The following ATXN7L1 variants were observed in gnomAD, a reference collection of about 807,000 sequenced individuals.
ATXN7L1 encodes ataxin-7-like protein 1.
ATXN7L1 carries 15 observed loss-of-function variants against 70.8 expected under a neutral mutation model. The observed-to-expected ratio is 0.21, with a 90% CI of 0.14 to 0.33. The LOEUF (loss-of-function observed/expected upper bound fraction) is 0.33, where lower values mean the gene tolerates loss of function less well. Among genes scored for constraint, ATXN7L1 ranks in the 10% least tolerant of loss-of-function variants. The pLI, the probability that ATXN7L1 is intolerant of heterozygous loss-of-function variation, is 1.00. For synonymous variants in ATXN7L1, 440 were observed against 445.1 expected (o/e 0.99, Z 0.14); for missense variants, 975 against 1,097.1 (o/e 0.89, Z 1.57).
intron 3 of ATXN7L1, among the ~76,000 whole-genome samples, chr7:105,768,109 G>C (rs181477935): frequency 3.9e-5 from 6 of 152,250 alleles, no homozygotes; most frequent in Non-Finnish European, 7.4e-5. Context: ...TTGTCTCTGG[G>C]AACACTCTTC....
chr7:105,774,608 C>A (rs1244041844), intron 3 of ATXN7L1, among the ~76,000 whole-genome samples: 1 of 152,100 alleles, frequency 6.6e-6, no homozygotes, highest in Admixed American at 6.5e-5. Flanking sequence ...CTGCCTCAGC[C>A]TCCCAAAATG....
intron 4 of ATXN7L1, among the ~76,000 whole-genome samples, chr7:105,650,491 G>A (rs527271615): frequency 1.5e-4 from 23 of 152,358 alleles, no homozygotes; most frequent in African/African-American, 5.5e-4. Flanking sequence ...CCTTTGCACA[G>A]TTTTGGATTC....
At chr7:105,848,500 T>C (rs1410586925) in intron 2 of ATXN7L1, among the ~76,000 whole-genome samples, 5 of 151,056 alleles carry the variant, frequency 3.3e-5, no homozygotes, top group African/African-American at 9.7e-5. Context: ...ATATATCCAA[T>C]GACAGGGAAT....
chr7:105,801,909 T>C (rs1051372081), intron 2 of ATXN7L1, among the ~76,000 whole-genome samples: 3 of 152,126 alleles, frequency 2.0e-5, no homozygotes, highest in Admixed American at 6.5e-5. Context: ...ACACCACTGG[T>C]TCTCATTCAT....
rs1328965746 is a variant in ATXN7L1, at chr7:105,760,433, T to C, written c.355+28171A>G. ...GCCAGCAGGTGGCAGGGTCTAGACA[T>C]GAATTCAGGTTTTCATCCCATTAAG... On this transcript the variant is annotated intron_variant, in intron 3 of 11. Coordinates refer to ENST00000419735, the MANE Select transcript of ATXN7L1 (RefSeq NM_020725.2). 6.1e-6 allele frequency: 6 copies of C among 985,306 alleles called. No homozygotes were observed. The South Asian group carries it at 2.4e-4, about 39-fold the overall frequency. The allele number at this position is 985,306 out of a possible 1,614,324, so 61.0% of individuals were successfully genotyped here.
chr7:105,790,437 C>T (rs1464805783), intron 2 of ATXN7L1, among the ~76,000 whole-genome samples: 1 of 151,808 alleles, frequency 6.6e-6, no homozygotes, highest in African/African-American at 2.4e-5. Context: ...AAAAATCAGC[C>T]GGGTGAGGTG....
intron 3 of ATXN7L1, among the ~76,000 whole-genome samples, chr7:105,699,262 A>G (rs2116229523): frequency 6.6e-6 from 1 of 151,978 alleles, no homozygotes; most frequent in African/African-American, 2.4e-5. Context: ...CCTCCCAACT[A>G]GCTGGGATTA....
chr7:105,805,188 G>A (rs1385586722), intron 2 of ATXN7L1, among the ~76,000 whole-genome samples: 1 of 152,202 alleles, frequency 6.6e-6, no homozygotes, highest in African/African-American at 2.4e-5. Flanking sequence ...TGATTAAACA[G>A]GCAGAAAGGG....
At position 105,659,884 on chromosome 7, in the gene ATXN7L1, C is replaced by CT. The variant is rs1051574520; in HGVS notation, c.578+5181dup. On this transcript the variant is annotated intron_variant, in intron 4 of 11. Coordinates refer to ENST00000419735, the MANE Select transcript of ATXN7L1 (RefSeq NM_020725.2). ...GCCCACTCACATTTCTTTTCTCTTTCTTTTTTTTTTTGAGACGTGTAGATA... is the reference window on the plus strand; with the variant it reads ...GCCCACTCACATTTCTTTTCTCTTTCTTTTTTTTTTTTGAGACGTGTAGATA... Among the ~76,000 whole-genome samples, 1,022 of 147,370 alleles carry CT rather than the reference C, an allele frequency of 6.9e-3. 10 individuals are homozygous for CT. The highest frequency in any genetic ancestry group is 0.022 in the African/African-American group (882 of 40,488).
At chr7:105,652,077 C>T (rs71562666) in intron 4 of ATXN7L1, among the ~76,000 whole-genome samples, 1 of 152,182 alleles carries the variant, frequency 6.6e-6, no homozygotes, top group East Asian at 1.9e-4. Flanking sequence ...CTGGGGAGTC[C>T]TAGTGCCCTA....
chr7:105,648,215 G>A (rs1329527475), intron 4 of ATXN7L1, among the ~76,000 whole-genome samples: 1 of 151,944 alleles, frequency 6.6e-6, no homozygotes, highest in East Asian at 2.0e-4. Context: ...ATTAGCTAAT[G>A]GAGAAGGGCT....
chr7:105,608,673 A>C (rs6949597), intron 11 of ATXN7L1, among the ~76,000 whole-genome samples: 98,219 of 151,900 alleles, frequency 0.65, 31,887 homozygotes, highest in Middle Eastern at 0.75. Flanking sequence ...GCACACATGA[A>C]GGGCTGCAAG....
At chr7:105,771,095 G>C (rs1801928032) in intron 3 of ATXN7L1, among the ~76,000 whole-genome samples, 1 of 151,920 alleles carries the variant, frequency 6.6e-6, no homozygotes, top group South Asian at 2.1e-4. Context: ...AGCTATTCAA[G>C]AGGCTGAGGC....
intron 3 of ATXN7L1, among the ~76,000 whole-genome samples, chr7:105,670,521 T>C (rs2116098413): frequency 6.6e-6 from 1 of 152,374 alleles, no homozygotes; most frequent in African/African-American, 2.4e-5. Context: ...TATTTTGGAC[T>C]ATTCTTTGTC....
At chr7:105,754,370 T>C (rs1362927864) in intron 3 of ATXN7L1, among the ~76,000 whole-genome samples, 1 of 152,100 alleles carries the variant, frequency 6.6e-6, no homozygotes, top group Non-Finnish European at 1.5e-5. Flanking sequence ...GTCCCTTGTT[T>C]ATTTGTTCTT....
At chr7:105,651,223 C>G (rs1255766632) in intron 4 of ATXN7L1, among the ~76,000 whole-genome samples, 1 of 152,192 alleles carries the variant, frequency 6.6e-6, no homozygotes, top group African/African-American at 2.4e-5. Context: ...TAACTTATCT[C>G]AGGCCTTCCT....
chr7:105,710,087 T>C (rs1439410129), intron 3 of ATXN7L1, among the ~76,000 whole-genome samples: 1 of 152,120 alleles, frequency 6.6e-6, no homozygotes, highest in Middle Eastern at 3.2e-3. Flanking sequence ...TGGACTCAAG[T>C]GATCCTTCTG....
chr7:105,610,662 C>T (rs553589714), intron 10 of ATXN7L1, 59 bp from the exon 11 acceptor site: 43 of 1,411,812 alleles, frequency 3.0e-5, no homozygotes, highest in South Asian at 2.6e-4. Flanking sequence ...AAGGGCCCGC[C>T]GATGCCACAT....
intron 2 of ATXN7L1, among the ~76,000 whole-genome samples, chr7:105,837,552 GA>G (rs1812576693): frequency 6.6e-6 from 1 of 152,132 alleles, no homozygotes. Flanking sequence ...ATGGGACCAT[GA>G]CACTGCCTCC....
Sources: gnomAD v4.1 joint callset for allele counts (sites outside exome capture counted in the v4.1 genomes callset) on GRCh38, gnomAD v4.1.1 for gene constraint, MANE v1.5 for transcripts, NCBI Gene and HGNC (gene_info 2026-07-23, HGNC 2026-07-21) for gene names.